The following RREB1 variants were observed in gnomAD, a reference collection of about 807,000 sequenced individuals.
RREB1 encodes ras-responsive element-binding protein 1.
In RREB1, 27 loss-of-function variants were observed where a neutral mutation model predicts 117.8. The observed-to-expected ratio is 0.23, with a 90% CI of 0.17 to 0.32. The LOEUF (loss-of-function observed/expected upper bound fraction) is 0.32. Ranked by LOEUF, RREB1 falls within the 10% of genes least tolerant of loss-of-function variation. The pLI, the probability that RREB1 is intolerant of heterozygous loss-of-function variation, is 1.00. For missense variants in RREB1, 2,577 were observed against 2,378.2 expected, an observed-to-expected ratio of 1.08 and a Z score of -1.74; for synonymous variants, 1,298 against 1,026.7, an observed-to-expected ratio of 1.26 and a Z score of -5.05.
intron 10 of RREB1, among the ~76,000 whole-genome samples, chr6:7,233,644 G>GT (rs1176992607): frequency 6.6e-6 from 1 of 152,098 alleles, no homozygotes; most frequent in African/African-American, 2.4e-5. Flanking sequence ...TTTTTTGTGG[G>GT]TTTTTCTTTT....
intron 1 of RREB1, among the ~76,000 whole-genome samples, chr6:7,123,955 G>A (rs1581413840): frequency 1.3e-5 from 2 of 152,048 alleles, no homozygotes; most frequent in East Asian, 1.9e-4. Context: ...TCCCTTCTTC[G>A]TGTACCCAAA....
chr6:7,170,880 C>T (rs957737083), intron 1 of RREB1, among the ~76,000 whole-genome samples: 3 of 152,152 alleles, frequency 2.0e-5, no homozygotes, highest in African/African-American at 7.2e-5. Flanking sequence ...GTTCTCAGGG[C>T]TGGATGGAAG....
chr6:7,132,789 AC>A (rs1364009786), intron 1 of RREB1, among the ~76,000 whole-genome samples: 3 of 151,326 alleles, frequency 2.0e-5, no homozygotes, highest in African/African-American at 7.3e-5. Context: ...CACTATAAAT[AC>A]CCCGTGTCTG....
chr6:7,231,005 C>G lies in RREB1; in HGVS notation c.2906C>G (p.Pro969Arg). Reference sequence around the variant, plus strand: ...GAGGAGGCGGGGAGCAGCGAGCAGCCCTCTCCCTGCCCAGCACCCGGCCCT... The same window carrying G: ...GAGGAGGCGGGGAGCAGCGAGCAGCGCTCTCCCTGCCCAGCACCCGGCCCT... ...PEEEAGSSEQ[P>R]SPCPAPGPSL... The change falls in exon 10 of 13, where the codon CCC becomes CGC. Residue 969 changes from proline (P) to arginine (R), a missense_variant. By Grantham distance (103) the Pro-to-Arg change is moderately radical (BLOSUM62 -2). Transcript: ENST00000379938. The G allele has an allele frequency of 6.2e-7, 1 of 1,614,160 alleles. No individual in the cohort carries two copies. Among genetic ancestry groups the G allele is most frequent in the Non-Finnish European group, 8.5e-7 (1 of 1,180,024 alleles).
At chr6:7,126,248 C>T (rs1390716890) in intron 1 of RREB1, among the ~76,000 whole-genome samples, 1 of 152,070 alleles carries the variant, frequency 6.6e-6, no homozygotes, top group Non-Finnish European at 1.5e-5. Flanking sequence ...GATCCGCCCG[C>T]CTTGGCCTCC....
At position 7,231,237 on chromosome 6, in the gene RREB1, G is replaced by A. The variant is rs1281493899; in HGVS notation, c.3138G>A (p.Arg1046=). 2 of 1,612,622 alleles carry A rather than the reference G, an allele frequency of 1.2e-6. No individual in the cohort carries two copies. The highest frequency in any genetic ancestry group is 2.2e-5 in the East Asian group (1 of 44,880). Residue 1046 remains arginine, a synonymous_variant, in exon 10 of 13, where the codon CGG becomes CGA. Transcript: ENST00000379938. The stretch of plus-strand genomic sequence containing the variant: ...GCACAGCCTTGCTGCGTCCACTGCG[G>A]CCCAAGCCCCCGCTGCTTTTGCCAA... The part of the protein sequence containing the change: ...LSGTALLRPL[R]PKPPLLLPKP...
intron 11 of RREB1, among the ~76,000 whole-genome samples, chr6:7,241,096 C>T (rs1470468463): frequency 6.6e-6 from 1 of 152,112 alleles, no homozygotes; most frequent in Non-Finnish European, 1.5e-5. Flanking sequence ...AACTCTCTTC[C>T]CGGTGTAAGA....
intron 1 of RREB1, among the ~76,000 whole-genome samples, chr6:7,113,580 C>G (rs1005648649): frequency 6.6e-6 from 1 of 152,050 alleles, no homozygotes; most frequent in Non-Finnish European, 1.5e-5. Flanking sequence ...GTGGTCCACC[C>G]GGGGGCTGTT....
intron 1 of RREB1, among the ~76,000 whole-genome samples, chr6:7,174,306 TTA>T (rs1764392787): frequency 6.6e-6 from 1 of 152,138 alleles, no homozygotes; most frequent in Admixed American, 6.5e-5. Flanking sequence ...AACTCTGGCT[TTA>T]TATTGCAAGA....
At chr6:7,226,186 G>A (rs1300107214) in intron 8 of RREB1, among the ~76,000 whole-genome samples, 6 of 152,192 alleles carry the variant, frequency 3.9e-5, no homozygotes. Flanking sequence ...GATCCCAGCT[G>A]TCTTCTTGTG....
At position 7,230,162 on chromosome 6, in the gene RREB1, G is replaced by C; in HGVS notation, c.2063G>C (p.Arg688Pro). The C allele has an allele frequency of 6.2e-7, 1 of 1,606,550 alleles. No individual in the cohort carries two copies. The change falls in exon 10 of 13, where the codon CGC becomes CCC. Residue 688 changes from arginine (R) to proline (P), a missense_variant. Coordinates refer to ENST00000379938, the MANE Select transcript of RREB1 (RefSeq NM_001003699.4). ...YIAADKAALI[R>P]HLRTHSGERP... ...GCCGCCGACAAGGCCGCGCTCATCC[G>C]CCACCTGCGCACGCACAGTGGGGAG... is the stretch of plus-strand genomic sequence containing the variant.
At chr6:7,136,969 C>T (rs1037125163) in intron 1 of RREB1, among the ~76,000 whole-genome samples, 9 of 152,218 alleles carry the variant, frequency 5.9e-5, no homozygotes, top group Admixed American at 2.0e-4. Flanking sequence ...GAAGCCACCG[C>T]GGCACCTGGC....
chr6:7,164,756 A>C (rs549493022), intron 1 of RREB1, among the ~76,000 whole-genome samples: 5 of 152,336 alleles, frequency 3.3e-5, no homozygotes, highest in African/African-American at 1.2e-4. Context: ...GTCAAATCTC[A>C]GGCACAGAGT....
Position 7,240,494 on chromosome 6 carries a change from T to C in RREB1, c.3865T>C (p.Cys1289Arg). Residue 1289 changes from cysteine to arginine, a missense_variant, in exon 11 of 13, where the codon TGT becomes CGT. Transcript: ENST00000379938. ...CDAFFSTKSN[C>R]ERHQLRKHGV... Reference sequence around the variant, plus strand: ...TGCCTTCTTTTCTACCAAATCTAACTGTGAACGCCACCAGTTGCGCAAACA... The same window carrying C: ...TGCCTTCTTTTCTACCAAATCTAACCGTGAACGCCACCAGTTGCGCAAACA... 1 of 1,614,082 alleles carries C rather than the reference T, an allele frequency of 6.2e-7. No homozygotes were observed. The highest frequency in any genetic ancestry group is 8.5e-7 in the Non-Finnish European group (1 of 1,180,008).
intron 1 of RREB1, among the ~76,000 whole-genome samples, chr6:7,116,658 A>G (rs1761412384): frequency 6.6e-6 from 1 of 152,270 alleles, no homozygotes; most frequent in Non-Finnish European, 1.5e-5. Flanking sequence ...GGAAATAGAC[A>G]TGAACTAACG....
intron 10 of RREB1, among the ~76,000 whole-genome samples, chr6:7,234,068 C>T (rs1768161127): frequency 6.6e-6 from 1 of 152,144 alleles, no homozygotes; most frequent in South Asian, 2.1e-4. Flanking sequence ...CAAGGAGAAC[C>T]AGGATTTCTA....
chr6:7,192,203 T>G (rs1765444931), intron 6 of RREB1, among the ~76,000 whole-genome samples: 1 of 150,340 alleles, frequency 6.7e-6, no homozygotes, highest in South Asian at 2.1e-4. Flanking sequence ...TGTTCGTTTG[T>G]TTTTTTTGAG....
Position 7,248,857 on chromosome 6 carries a change from AGAGAGCCC to A in RREB1, c.5120_5127del (p.Glu1707GlyfsTer24). The A allele has an allele frequency of 6.2e-7, 1 of 1,605,206 alleles. No individual in the cohort carries two copies. Among genetic ancestry groups the A allele is most frequent in the Non-Finnish European group, 8.5e-7 (1 of 1,176,198 alleles). On this transcript the variant is annotated frameshift_variant, in exon 13 of 13. Coordinates refer to ENST00000379938, the MANE Select transcript of RREB1 (RefSeq NM_001003699.4). LOFTEE classifies it high-confidence loss of function. ...AGCCTGGCCAGGGTGACCTTAACCC[AGAGAGCCC>A]GGCGGCCCTGGGGCAGGACCTGCTG...
chr6:7,168,805 C>T (rs1035203226), intron 1 of RREB1, among the ~76,000 whole-genome samples: 3 of 152,188 alleles, frequency 2.0e-5, no homozygotes, highest in Non-Finnish European at 4.4e-5. Context: ...TTCAAAGACC[C>T]TTCTTGTGCT....
Sources: gnomAD v4.1 joint callset for allele counts (sites outside exome capture counted in the v4.1 genomes callset) on GRCh38, gnomAD v4.1.1 for gene constraint, MANE v1.5 for transcripts, NCBI Gene and HGNC (gene_info 2026-07-23, HGNC 2026-07-21) for gene names.